The following SLC6A4 variants were observed in gnomAD, a reference collection of about 807,000 sequenced individuals.
SLC6A4 encodes sodium-dependent serotonin transporter.
In SLC6A4, 22 loss-of-function variants were observed where a neutral mutation model predicts 73.4. The observed-to-expected ratio is 0.30, with a 90% CI of 0.21 to 0.43. The LOEUF (loss-of-function observed/expected upper bound fraction) is 0.43, where lower values mean the gene tolerates loss of function less well. SLC6A4 is among the 20% of genes least tolerant of loss of function. SLC6A4 has a pLI of 1.00. For missense variants in SLC6A4, 593 were observed against 808.5 expected (o/e 0.73, Z 3.23); for synonymous variants, 270 against 315.5 (o/e 0.86, Z 1.53).
Position 30,195,391 on chromosome 17 carries a change from G to C in SLC6A4, c.*3065C>G, listed in dbSNP as rs1905823000. 1 of 152,212 alleles carries C rather than the reference G, an allele frequency of 6.6e-6. No homozygotes were observed. The highest frequency in any genetic ancestry group is 2.4e-5 in the African/African-American group (1 of 41,432). The allele number at this position is 152,212 out of a possible 1,614,324, so 9.4% of individuals were successfully genotyped here. A position where few individuals can be genotyped will look rare whatever the true frequency, so the allele number is the denominator to read the frequency against. ...TTATCCCACCTCAGTCTCCCAAGTA[G>C]CTGGGATTACAGGAGCATGCCACCA... On this transcript the variant is annotated 3_prime_UTR_variant, in exon 15 of 15. Coordinates refer to ENST00000650711, the MANE Select transcript of SLC6A4 (RefSeq NM_001045.6).
intron 14 of SLC6A4, among the ~76,000 whole-genome samples, chr17:30,200,931 G>A (rs1205376769): frequency 3.3e-5 from 5 of 151,940 alleles, no homozygotes; most frequent in Admixed American, 6.6e-5. Context: ...ACAGGTGCCC[G>A]CCACCACACC....
intron 13 of SLC6A4, chr17:30,206,523 G>C (rs973082493): frequency 6.6e-6 from 1 of 152,060 alleles, no homozygotes; most frequent in Non-Finnish European, 1.5e-5. Flanking sequence ...TTTTTGCTTA[G>C]AGAGCTTTGT....
At chr17:30,233,558 A>G (rs1265672379) in intron 1 of SLC6A4, among the ~76,000 whole-genome samples, 2 of 152,014 alleles carry the variant, frequency 1.3e-5, no homozygotes, top group Non-Finnish European at 2.9e-5. Flanking sequence ...TGTTTTCTTA[A>G]AGTGGAGAGG....
chr17:30,231,843 G>C (rs1907124767), intron 1 of SLC6A4, among the ~76,000 whole-genome samples: 1 of 152,066 alleles, frequency 6.6e-6, no homozygotes, highest in South Asian at 2.1e-4. Context: ...TCTGAAACAA[G>C]AGAAAGGGCC....
rs531492490 is a variant in SLC6A4 at position 30,202,672 on chromosome 17, C to T, written c.1818+500G>A. On this transcript the variant is annotated intron_variant, in intron 14 of 14. Coordinates refer to ENST00000650711, the MANE Select transcript of SLC6A4 (RefSeq NM_001045.6). ...TTACTCCAATGGCTTGAGCTAAAATCATGCTATTGTTAGATAGCTAATAAT... is the reference window on the plus strand; with the variant it reads ...TTACTCCAATGGCTTGAGCTAAAATTATGCTATTGTTAGATAGCTAATAAT... Among the ~76,000 whole-genome samples the T allele has an allele frequency of 4.6e-5, 7 of 152,314 alleles. No homozygotes were observed. The East Asian group carries it at 1.3e-3, about 29-fold the overall frequency.
chr17:30,206,177 A>G (rs1285581126), intron 13 of SLC6A4: 1 of 150,512 alleles, frequency 6.6e-6, no homozygotes, highest in Non-Finnish European at 1.5e-5. Flanking sequence ...GATAGCCCAT[A>G]TACTCCTAAT....
rs1905793015 is a variant in SLC6A4 at position 30,194,530 on chromosome 17, CAT to C, written c.*3924_*3925del. 6.6e-6 allele frequency: 1 copy of C among 152,068 alleles called. No individual in the cohort carries two copies. The highest frequency in any genetic ancestry group is 2.1e-4 in the South Asian group (1 of 4,816). 9.4% of individuals were successfully genotyped at this position (152,068 alleles called of 1,614,324 possible). A position where few individuals can be genotyped will look rare whatever the true frequency, so the allele number is the denominator to read the frequency against. Reference sequence around the variant, plus strand: ...CTGAAAAGTTGTATATAGATCAAATCATAGTTTAAAGGCCATTCACAAAATAA... The same window carrying C: ...CTGAAAAGTTGTATATAGATCAAATCAGTTTAAAGGCCATTCACAAAATAA... On this transcript the variant is annotated 3_prime_UTR_variant, in exon 15 of 15. Coordinates refer to ENST00000650711, the MANE Select transcript of SLC6A4 (RefSeq NM_001045.6).
chr17:30,223,669 G>A (rs1013325031), intron 1 of SLC6A4, among the ~76,000 whole-genome samples: 1 of 152,222 alleles, frequency 6.6e-6, no homozygotes, highest in African/African-American at 2.4e-5. Context: ...CATGTAGCTA[G>A]GGGCTGTGTG....
rs955069879 is a variant in SLC6A4 at position 30,197,078 on chromosome 17, T to C, written c.*1378A>G. 1 of 152,466 alleles carries C rather than the reference T, an allele frequency of 6.6e-6. No homozygotes were observed. The allele number at this position is 152,466 out of a possible 1,614,324, so 9.4% of individuals were successfully genotyped here. On this transcript the variant is annotated 3_prime_UTR_variant, in exon 15 of 15. Coordinates refer to ENST00000650711, the MANE Select transcript of SLC6A4 (RefSeq NM_001045.6). Reference sequence around the variant, plus strand: ...GATGAGGATTTATTCCCCTCAAAATTCTGATAAGGAATTCCCATGCTGCAA... The same window carrying C: ...GATGAGGATTTATTCCCCTCAAAATCCTGATAAGGAATTCCCATGCTGCAA...
In SLC6A4 at chr17:30,230,104, A is replaced by AGAAGAAGAAGAAGAG. The variant is rs1312487384; in HGVS notation, c.-221+5508_-221+5509insCTCTTCTTCTTCTTC. Among the ~76,000 whole-genome samples the AGAAGAAGAAGAAGAG allele has an allele frequency of 2.7e-4, 32 of 119,914 alleles. No individual in the cohort carries two copies. The East Asian group carries it at 4.1e-3, about 15-fold the overall frequency. The allele number at this position is 119,914 out of a possible 152,430, so 78.7% of individuals were successfully genotyped here. A position where few individuals can be genotyped will look rare whatever the true frequency, so the allele number is the denominator to read the frequency against. On this transcript the variant is annotated intron_variant, in intron 1 of 14. Transcript: ENST00000650711. Reference sequence around the variant, plus strand: ...AAGAAGAAGAAGAAGAAGAGGAGGAAGAGGAAGAGGAAGAGGAAGAGGAGG... The same window carrying AGAAGAAGAAGAAGAG: ...AAGAAGAAGAAGAAGAAGAGGAGGAAGAAGAAGAAGAAGAGGAGGAAGAGGAAGAGGAAGAGGAGG...
At chr17:30,212,157 T>C (rs1906407378) in intron 9 of SLC6A4, among the ~76,000 whole-genome samples, 1 of 152,212 alleles carries the variant, frequency 6.6e-6, no homozygotes, top group Non-Finnish European at 1.5e-5. Context: ...ATTTTCTTTT[T>C]CTGCAAGGGG....
chr17:30,208,395 G>A (rs574456642), intron 12 of SLC6A4, among the ~76,000 whole-genome samples: 1 of 152,202 alleles, frequency 6.6e-6, no homozygotes, highest in East Asian at 1.9e-4. Context: ...TCTATAAAAA[G>A]TAACTGGTAA....
chr17:30,212,053 C>T (rs1906403149), intron 9 of SLC6A4, among the ~76,000 whole-genome samples: 1 of 152,072 alleles, frequency 6.6e-6, no homozygotes, highest in African/African-American at 2.4e-5. Context: ...GGGACCTCGC[C>T]CACTAGATGC....
In SLC6A4 at chr17:30,216,223, G is replaced by A. The variant is rs1240848569; in HGVS notation, c.838-7C>T. On this transcript the variant is annotated splice_region_variant and splice_polypyrimidine_tract_variant and intron_variant, in intron 6 of 14. Transcript: ENST00000650711. The stretch of plus-strand genomic sequence containing the variant: ...TGGCTGTCACCCACACCACCTGTAA[G>A]GAAGAAGGGTTATCACCATGCTGTT... 2.1e-6 allele frequency: 3 copies of A among 1,414,478 alleles called. No homozygotes were observed. Among genetic ancestry groups the A allele is most frequent in the African/African-American group, 1.5e-5 (1 of 67,558 alleles). 87.6% of individuals were successfully genotyped at this position (1,414,478 alleles called of 1,614,324 possible).
Position 30,230,078 on chromosome 17 carries a change from G to C in SLC6A4, c.-221+5535C>G, listed in dbSNP as rs573599035. Among the ~76,000 whole-genome samples the C allele has an allele frequency of 1.6e-4, 19 of 121,510 alleles. No individual in the cohort carries two copies. The South Asian group carries it at 4.3e-3, about 28-fold the overall frequency. 79.7% of individuals were successfully genotyped at this position (121,510 alleles called of 152,430 possible). A position where few individuals can be genotyped will look rare whatever the true frequency, so the allele number is the denominator to read the frequency against. ...AGAAGAAGAAGAAGAAGAAGAAGAA[G>C]AAGAAGAAGAAGAAGAAGAGGAGGA... On this transcript the variant is annotated intron_variant, in intron 1 of 14. Transcript: ENST00000650711.
At chr17:30,230,298 G>A (rs1907074444) in intron 1 of SLC6A4, among the ~76,000 whole-genome samples, 2 of 152,166 alleles carry the variant, frequency 1.3e-5, no homozygotes, top group Admixed American at 6.5e-5. Flanking sequence ...AAAGAGACTT[G>A]AGAAACTCAA....
rs1247106915 is a variant in SLC6A4, at chr17:30,235,184, C to T, written c.-221+429G>A. On this transcript the variant is annotated intron_variant, in intron 1 of 14. Transcript: ENST00000650711. The surrounding 1 kb of genome is among the most constrained non-coding windows in gnomAD (Gnocchi z 4.5). ...TGTGTCAACCAGAACTCTCCCTTTG[C>T]ATAAAGCCACCTGCACGCGATGACA... Among the ~76,000 whole-genome samples, 1 of 152,180 alleles carries T rather than the reference C, an allele frequency of 6.6e-6. No individual in the cohort carries two copies. Among genetic ancestry groups the T allele is most frequent in the Non-Finnish European group, 1.5e-5 (1 of 68,020 alleles).
At chr17:30,206,327 C>T (rs1238816954) in intron 13 of SLC6A4, 1 of 151,548 alleles carries the variant, frequency 6.6e-6, no homozygotes, top group Non-Finnish European at 1.5e-5. Context: ...TGCATGACAT[C>T]AGTTTACCCC....
At chr17:30,227,867 G>T (rs1906976494) in intron 1 of SLC6A4, among the ~76,000 whole-genome samples, 1 of 152,184 alleles carries the variant, frequency 6.6e-6, no homozygotes, top group Admixed American at 6.5e-5. Flanking sequence ...GAAAGAAAAA[G>T]AATTTCTGTC....
Sources: allele counts gnomAD v4.1 joint callset (sites outside exome capture counted in the v4.1 genomes callset), GRCh38; gene constraint gnomAD v4.1.1; non-coding constraint Gnocchi (gnomAD v3.1); transcripts MANE v1.5; gene names NCBI Gene and HGNC (gene_info 2026-07-23, HGNC 2026-07-21).